Variants in IL15 observed in about 807,000 individuals in gnomAD.
IL15 encodes interleukin 15, also known as interleukin-15.
A neutral mutation model predicts 19.6 loss-of-function variants in IL15; 11 were observed. That is an observed-to-expected ratio of 0.56 (90% CI 0.35 to 0.93). The LOEUF (loss-of-function observed/expected upper bound fraction) is 0.93. Among genes scored for constraint, IL15 ranks in the 40% least tolerant of loss-of-function variants. The pLI, the probability that IL15 is intolerant of heterozygous loss-of-function variation, is 0.01. For synonymous variants in IL15, 58 were observed against 59.6 expected, an observed-to-expected ratio of 0.97 and a Z score of 0.12; for missense variants, 197 against 186.5, an observed-to-expected ratio of 1.06 and a Z score of -0.33.
At chr4:141,728,882 T>C (rs925428330) in intron 6 of IL15, among the ~76,000 whole-genome samples, 5 of 152,140 alleles carry the variant, frequency 3.3e-5, no homozygotes, top group Non-Finnish European at 4.4e-5. Flanking sequence ...CATCCTGAAA[T>C]TGCTTTTTTG....
intron 1 of IL15, among the ~76,000 whole-genome samples, chr4:141,643,880 C>G (rs1727133428): frequency 6.6e-6 from 1 of 151,818 alleles, no homozygotes; most frequent in South Asian, 2.1e-4. Flanking sequence ...TCAACCATCT[C>G]TGATTGGATG....
chr4:141,706,110 G>C lies in IL15; in HGVS notation c.-99-13256G>C, dbSNP rs543872493. Reference sequence around the variant, plus strand: ...CTAACATTAAAAAAATTACTTTCTGGTTATGGTTATTTCGTAAATGTTTTG... The same window carrying C: ...CTAACATTAAAAAAATTACTTTCTGCTTATGGTTATTTCGTAAATGTTTTG... On this transcript the variant is annotated intron_variant, in intron 2 of 7. Coordinates refer to ENST00000320650, the MANE Select transcript of IL15 (RefSeq NM_000585.5). 5.3e-5 allele frequency among the ~76,000 whole-genome samples: 8 copies of C among 151,126 alleles called. 1 individual carries two copies. Among genetic ancestry groups the C allele is most frequent in the East Asian group, 1.9e-4 (1 of 5,144 alleles).
chr4:141,669,977 A>T (rs1345020738), intron 2 of IL15, among the ~76,000 whole-genome samples: 2 of 151,386 alleles, frequency 1.3e-5, no homozygotes, highest in Non-Finnish European at 2.9e-5. Flanking sequence ...ATTAAGATAG[A>T]TTATTATTGT....
chr4:141,639,424 GT>G (rs1726970544), intron 1 of IL15, among the ~76,000 whole-genome samples: 1 of 152,168 alleles, frequency 6.6e-6, no homozygotes, highest in Admixed American at 6.6e-5. Context: ...TGTCAAATAT[GT>G]GTTTGGTATA....
At chr4:141,684,867 G>A (rs1397646277) in intron 2 of IL15, among the ~76,000 whole-genome samples, 3 of 151,986 alleles carry the variant, frequency 2.0e-5, no homozygotes, top group Non-Finnish European at 4.4e-5. Context: ...TGCATGTAGA[G>A]TCATAACCAA....
chr4:141,668,309 T>G (rs1362157268), intron 2 of IL15, among the ~76,000 whole-genome samples: 3 of 151,636 alleles, frequency 2.0e-5, no homozygotes, highest in Non-Finnish European at 4.4e-5. Flanking sequence ...TCTGATGTGG[T>G]GGGTTCAGCT....
chr4:141,647,949 A>G (rs1307886520), intron 1 of IL15, among the ~76,000 whole-genome samples: 1 of 152,000 alleles, frequency 6.6e-6, no homozygotes, highest in Non-Finnish European at 1.5e-5. Flanking sequence ...AAGAATTGTG[A>G]TGGTGGAGTT....
At chr4:141,702,118 G>A (rs1421417743) in intron 2 of IL15, among the ~76,000 whole-genome samples, 2 of 152,202 alleles carry the variant, frequency 1.3e-5, no homozygotes, top group Non-Finnish European at 2.9e-5. Context: ...GCCTGTTGGG[G>A]TAGAGGTGCT....
chr4:141,656,843 G>A (rs1727621725), intron 2 of IL15, among the ~76,000 whole-genome samples: 1 of 152,268 alleles, frequency 6.6e-6, no homozygotes, highest in African/African-American at 2.4e-5. Flanking sequence ...ATGAGTTTAT[G>A]TAAGGATATT....
chr4:141,675,275 A>G (rs1265873442), intron 2 of IL15, among the ~76,000 whole-genome samples: 6 of 152,184 alleles, frequency 3.9e-5, no homozygotes, highest in Admixed American at 3.9e-4. Context: ...ATATACACAA[A>G]TCTATCATTA....
intron 2 of IL15, among the ~76,000 whole-genome samples, chr4:141,705,590 AT>A (rs1729486620): frequency 6.6e-6 from 1 of 152,044 alleles, no homozygotes; most frequent in East Asian, 1.9e-4. Flanking sequence ...TGTTAGGGCC[AT>A]TTGGTCTATG....
chr4:141,675,216 T>G (rs960940053), intron 2 of IL15, among the ~76,000 whole-genome samples: 2 of 152,060 alleles, frequency 1.3e-5, no homozygotes, highest in African/African-American at 4.8e-5. Flanking sequence ...AAGTTAAGTG[T>G]GACACTATTC....
At chr4:141,672,968 G>T (rs189708873) in intron 2 of IL15, among the ~76,000 whole-genome samples, 2 of 152,226 alleles carry the variant, frequency 1.3e-5, no homozygotes, top group African/African-American at 4.8e-5. Flanking sequence ...TTGCATGTTT[G>T]CATAGCACCC....
intron 1 of IL15, among the ~76,000 whole-genome samples, chr4:141,653,165 A>C (rs1727468707): frequency 6.6e-6 from 1 of 152,164 alleles, no homozygotes; most frequent in Admixed American, 6.6e-5. Flanking sequence ...GCTGATTTTT[A>C]TGATGAAGGA....
chr4:141,668,905 C>T (rs1728080856), intron 2 of IL15, among the ~76,000 whole-genome samples: 1 of 152,268 alleles, frequency 6.6e-6, no homozygotes, highest in Non-Finnish European at 1.5e-5. Flanking sequence ...GTGCTAAAAA[C>T]GTGAATGCAA....
chr4:141,729,967 A>G lies in IL15; in HGVS notation c.361A>G (p.Ser121Gly). 2 of 1,609,680 alleles carry G rather than the reference A, an allele frequency of 1.2e-6. No homozygotes were observed. Among genetic ancestry groups the G allele is most frequent in the Non-Finnish European group, 1.7e-6 (2 of 1,176,188 alleles). Residue 121 changes from serine to glycine, a missense_variant, in exon 7 of 8, where the codon AGT (serine) becomes GGT (glycine). Coordinates refer to ENST00000320650, the MANE Select transcript of IL15 (RefSeq NM_000585.5). ...VENLIILANN[S>G]LSSNGNVTES... is the part of the protein sequence containing the mutation. Reference sequence around the variant, plus strand: ...AAATCTGATCATCCTAGCAAACAACAGTTTGTCTTCTAATGGGGTGAGTTT... The same window carrying G: ...AAATCTGATCATCCTAGCAAACAACGGTTTGTCTTCTAATGGGGTGAGTTT...
rs532922759 is a variant in IL15 at position 141,728,345 on chromosome 4, T to A, written c.240+361T>A. 7.2e-5 allele frequency among the ~76,000 whole-genome samples: 11 copies of A among 152,248 alleles called. No homozygotes were observed. In the South Asian group the frequency reaches 2.3e-3, roughly 32 times the overall value. On this transcript the variant is annotated intron_variant, in intron 6 of 7. Transcript: ENST00000320650. ...AATATATCAGTTATTTCCAATGCTG[T>A]AATGTATCACCATCTGCAATCATAT... is the stretch of plus-strand genomic sequence containing the variant.
chr4:141,708,367 G>A (rs1321446255), intron 2 of IL15, among the ~76,000 whole-genome samples: 1 of 152,168 alleles, frequency 6.6e-6, no homozygotes, highest in East Asian at 1.9e-4. Flanking sequence ...ACAGTCAGTT[G>A]CTATTGGCTC....
At chr4:141,668,421 T>A (rs1029885013) in intron 2 of IL15, among the ~76,000 whole-genome samples, 1 of 152,246 alleles carries the variant, frequency 6.6e-6, no homozygotes, top group African/African-American at 2.4e-5. Flanking sequence ...ACTTCTGGAT[T>A]CCTTCCAGAG....
Sources: gnomAD v4.1 joint callset for allele counts (sites outside exome capture counted in the v4.1 genomes callset) on GRCh38, gnomAD v4.1.1 for gene constraint, MANE v1.5 for transcripts, NCBI Gene and HGNC (gene_info 2026-07-23, HGNC 2026-07-21) for gene names.